Variants in PKD1L1 observed in about 807,000 individuals in gnomAD.
The protein encoded by PKD1L1 is polycystin 1 like 1, transient receptor potential channel interacting, also known as polycystin-1-like protein 1.
In PKD1L1, 236 loss-of-function variants were observed where a neutral mutation model predicts 323.4. That is an observed-to-expected ratio of 0.73 (90% CI 0.66 to 0.81). PKD1L1 has a LOEUF of 0.81. Ranked by LOEUF, PKD1L1 falls within the 40% of genes least tolerant of loss-of-function variation. PKD1L1 has a pLI of 0.00. For missense variants in PKD1L1, 3,320 were observed against 3,508.0 expected (o/e 0.95, Z 1.35); for synonymous variants, 1,344 against 1,335.0 (o/e 1.01, Z -0.15).
chr7:47,885,645 C>T, intron 18 of PKD1L1, 41 bp downstream of exon 18: 1 of 1,569,420 alleles, frequency 6.4e-7, no homozygotes, highest in Non-Finnish European at 8.6e-7. Context: ...AACTTTGGTG[C>T]CTAGACAAGA....
In PKD1L1 at chr7:47,931,222, C is replaced by A. The variant is rs1787765652; in HGVS notation, c.619G>T (p.Gly207Trp). 6.2e-7 allele frequency: 1 copy of A among 1,614,208 alleles called. No individual in the cohort carries two copies. The highest frequency in any genetic ancestry group is 8.5e-7 in the Non-Finnish European group (1 of 1,180,032). Residue 207 changes from glycine (G) to tryptophan (W), a missense_variant, in exon 6 of 57, where the codon GGG becomes TGG. Physicochemically the swap from Gly to Trp is radical, Grantham distance 184 (BLOSUM62 -2). Transcript: ENST00000289672. ...ATCGTGACAGTCCCAGGAAGCAGCC[C>A]CGTGGCCACATCCTCCGCACAGCAC... ...LLCCAEDVAT[G>W]LLPGTVTMET...
the PKD1L1 span, chr7:47,957,114 G>A: frequency 6.3e-6 from 1 of 159,176 alleles, no homozygotes; most frequent in Non-Finnish European, 1.4e-5. Context: ...AATGTCTCAA[G>A]GTAATTTCAA....
the PKD1L1 span, among the ~76,000 whole-genome samples, chr7:47,958,313 G>A: frequency 1.3e-5 from 2 of 152,196 alleles, no homozygotes; most frequent in African/African-American, 4.8e-5. Context: ...TTCAACAAAG[G>A]CACCAAGAAC....
chr7:47,817,783 T>G (rs1234915931), intron 46 of PKD1L1, among the ~76,000 whole-genome samples: 1 of 152,036 alleles, frequency 6.6e-6, no homozygotes, highest in Non-Finnish European at 1.5e-5. Context: ...GGCAGGAGAA[T>G]TCCTTGAACC....
intron 54 of PKD1L1, among the ~76,000 whole-genome samples, chr7:47,798,009 A>T (rs951894062): frequency 3.3e-5 from 5 of 152,220 alleles, no homozygotes; most frequent in African/African-American, 1.2e-4. Flanking sequence ...TTAGGATGCC[A>T]ATTCCCCCCA....
intron 8 of PKD1L1, among the ~76,000 whole-genome samples, chr7:47,910,997 A>G (rs569276607): frequency 1.3e-5 from 2 of 151,994 alleles, no homozygotes; most frequent in South Asian, 4.2e-4. Flanking sequence ...AGTTGACTTT[A>G]GACTTAACCC....
At chr7:47,922,645 G>A (rs978542663) in intron 7 of PKD1L1, among the ~76,000 whole-genome samples, 7 of 150,968 alleles carry the variant, frequency 4.6e-5, no homozygotes, top group East Asian at 2.0e-4. Flanking sequence ...CGGCCGCCCC[G>A]TCTGAGAAGT....
chr7:47,887,983 T>A lies in PKD1L1; in HGVS notation c.2836+7A>T. 1 of 1,602,422 alleles carries A rather than the reference T, an allele frequency of 6.2e-7. No individual in the cohort carries two copies. Among genetic ancestry groups the A allele is most frequent in the Non-Finnish European group, 8.5e-7 (1 of 1,174,644 alleles). On this transcript the variant is annotated splice_region_variant and intron_variant, in intron 17 of 56. Coordinates refer to ENST00000289672, the MANE Select transcript of PKD1L1 (RefSeq NM_138295.5). ...GAAAACAAAATAAAGCTATTAATCC[T>A]TTTTACCTTCTATCCTATTCTTTTC...
rs756963044 is a variant in PKD1L1, at chr7:47,847,011, CT to C, written c.5020del (p.Arg1674AspfsTer3). ...DADYDRKPPN[R>X]YLAKAVNYTV... is the part of the protein sequence containing the mutation. ...ATAGTTCACTGCCTTAGCTAAATAT[CT>C]GTTTGGAGGTTTTCTGTCATAGTCA... On this transcript the variant is annotated frameshift_variant, in exon 32 of 57. Coordinates refer to ENST00000289672, the MANE Select transcript of PKD1L1 (RefSeq NM_138295.5). LOFTEE classifies it high-confidence loss of function. 6.2e-7 allele frequency: 1 copy of C among 1,612,766 alleles called. No homozygotes were observed. Among genetic ancestry groups the C allele is most frequent in the South Asian group, 1.1e-5 (1 of 90,624 alleles).
chr7:47,829,810 A>C (rs572045439), intron 43 of PKD1L1, among the ~76,000 whole-genome samples: 19 of 152,318 alleles, frequency 1.2e-4, no homozygotes, highest in African/African-American at 4.1e-4. Flanking sequence ...AATTTCCTCA[A>C]ATAAAAAACG....
At chr7:47,837,482 C>T (rs933960527) in intron 36 of PKD1L1, among the ~76,000 whole-genome samples, 5 of 152,312 alleles carry the variant, frequency 3.3e-5, no homozygotes, top group African/African-American at 9.6e-5. Flanking sequence ...CATGCTTCTC[C>T]GAGCTTCACC....
At chr7:47,816,570 T>C (rs990715653) in intron 46 of PKD1L1, among the ~76,000 whole-genome samples, 1 of 152,188 alleles carries the variant, frequency 6.6e-6, no homozygotes, top group African/African-American at 2.4e-5. Context: ...ATGGAAAGGA[T>C]GGGGTGCTCA....
intron 21 of PKD1L1, among the ~76,000 whole-genome samples, chr7:47,880,284 A>ATATTTTTTTTTTTTTTTTTT (rs1225214936): frequency 1.8e-5 from 1 of 56,780 alleles, no homozygotes; most frequent in African/African-American, 1.1e-4. Context: ...ATATATATAT[A>ATATTTTTTTTTTTTTTTTTT]TTTTTTTTTT....
intron 26 of PKD1L1, among the ~76,000 whole-genome samples, chr7:47,861,652 G>A (rs1786026377): frequency 6.6e-6 from 1 of 152,110 alleles, no homozygotes. Flanking sequence ...GGAGGCCAAG[G>A]CGGGCGGATC....
chr7:47,788,846 C>G (rs1341663713), intron 56 of PKD1L1, among the ~76,000 whole-genome samples: 1 of 151,992 alleles, frequency 6.6e-6, no homozygotes, highest in South Asian at 2.1e-4. Context: ...ATCCGCCCAC[C>G]TTGGCCTCCC....
At chr7:47,858,128 G>T (rs1785945895) in intron 27 of PKD1L1, among the ~76,000 whole-genome samples, 2 of 152,132 alleles carry the variant, frequency 1.3e-5, no homozygotes, top group Admixed American at 1.3e-4. Flanking sequence ...GACTGGAGAG[G>T]GATGCTAAAT....
At chr7:47,809,868 A>C (rs569705819) in intron 50 of PKD1L1, 97 of 266,568 alleles carry the variant, frequency 3.6e-4, no homozygotes, top group African/African-American at 2.0e-3. Flanking sequence ...TACGGCCACC[A>C]GGCCTCCCGA....
intron 7 of PKD1L1, among the ~76,000 whole-genome samples, chr7:47,925,420 C>T (rs1299899037): frequency 6.6e-6 from 1 of 152,092 alleles, no homozygotes; most frequent in Non-Finnish European, 1.5e-5. Flanking sequence ...AAAAAATGGA[C>T]AGGAACAGGG....
chr7:47,950,128 C>T (rs1169111830), upstream of PKD1L1, among the ~76,000 whole-genome samples: 1 of 152,148 alleles, frequency 6.6e-6, no homozygotes, highest in Non-Finnish European at 1.5e-5. Flanking sequence ...GAACAAAATC[C>T]CTTCTTTCTG....
Sources: gnomAD v4.1 joint callset for allele counts (sites outside exome capture counted in the v4.1 genomes callset) on GRCh38, gnomAD v4.1.1 for gene constraint, MANE v1.5 for transcripts, NCBI Gene and HGNC (gene_info 2026-07-23, HGNC 2026-07-21) for gene names.